POFUT3: variants seen among roughly 807,000 people sequenced by gnomAD.
POFUT3 encodes protein O-fucosyltransferase 3, also known as GDP-fucose protein O-fucosyltransferase 3.
chr8:33,392,714 T>C, the POFUT3 span, among the ~76,000 whole-genome samples: 5 of 152,186 alleles, frequency 3.3e-5, no homozygotes, highest in East Asian at 9.7e-4. Context: ...CCAGGCATGG[T>C]GGCTCACACC....
At chr8:33,471,948 T>C in the POFUT3 span, among the ~76,000 whole-genome samples, 4 of 152,180 alleles carry the variant, frequency 2.6e-5, no homozygotes, top group African/African-American at 9.7e-5. Flanking sequence ...ACTACGGTGC[T>C]GCTAGATTGG....
At chr8:33,376,136 GT>G in the POFUT3 span, among the ~76,000 whole-genome samples, 41 of 152,070 alleles carry the variant, frequency 2.7e-4, no homozygotes, top group African/African-American at 8.9e-4. Flanking sequence ...GGGAAAAGAA[GT>G]GGAAGACTGC....
At chr8:33,436,311 T>C in the POFUT3 span, 874,633 of 1,330,566 alleles carry the variant, frequency 0.66, 289,849 homozygotes, top group African/African-American at 0.86. Context: ...ATCAAGGCCC[T>C]TGATGGTCTC....
At chr8:33,429,626 C>T in the POFUT3 span, among the ~76,000 whole-genome samples, 3 of 151,468 alleles carry the variant, frequency 2.0e-5, no homozygotes, top group Middle Eastern at 3.4e-3. Flanking sequence ...CACAAAAAGC[C>T]GAGGAAGAAA....
the POFUT3 span, among the ~76,000 whole-genome samples, chr8:33,444,386 G>A: frequency 6.6e-6 from 1 of 152,106 alleles, no homozygotes; most frequent in Non-Finnish European, 1.5e-5. Context: ...GGAACAAGGA[G>A]GACGGTAAGG....
At chr8:33,356,814 T>G in the POFUT3 span, among the ~76,000 whole-genome samples, 3 of 152,178 alleles carry the variant, frequency 2.0e-5, no homozygotes, top group Admixed American at 6.5e-5. Context: ...GGTCTAACAT[T>G]TAAGTCTTTA....
the POFUT3 span, among the ~76,000 whole-genome samples, chr8:33,384,352 A>G: frequency 6.6e-6 from 1 of 152,204 alleles, no homozygotes; most frequent in South Asian, 2.1e-4. Flanking sequence ...ATAAGGCACA[A>G]TTCCTTGAGG....
chr8:33,400,238 G>A, the POFUT3 span, among the ~76,000 whole-genome samples: 46 of 151,380 alleles, frequency 3.0e-4, no homozygotes, highest in South Asian at 8.4e-4. Context: ...GATCACCTGA[G>A]GCCAGGAATT....
chr8:33,463,865 C>T, the POFUT3 span, among the ~76,000 whole-genome samples: 4 of 152,178 alleles, frequency 2.6e-5, no homozygotes, highest in Non-Finnish European at 4.4e-5. Flanking sequence ...CTTTTAAATC[C>T]AGGAATTTTT....
At chr8:33,409,576 TC>T in the POFUT3 span, among the ~76,000 whole-genome samples, 1 of 152,198 alleles carries the variant, frequency 6.6e-6, no homozygotes, top group African/African-American at 2.4e-5. Context: ...CAGCTAATGT[TC>T]CCCCATTTCG....
chr8:33,394,525 C>T, the POFUT3 span, among the ~76,000 whole-genome samples: 1 of 152,218 alleles, frequency 6.6e-6, no homozygotes, highest in Non-Finnish European at 1.5e-5. Flanking sequence ...GCCCCTTAAT[C>T]TTTCACATGC....
chr8:33,416,383 A>T, the POFUT3 span, among the ~76,000 whole-genome samples: 1 of 152,132 alleles, frequency 6.6e-6, no homozygotes, highest in African/African-American at 2.4e-5. Flanking sequence ...CAGGCAGATC[A>T]CTTGAGGCCA....
chr8:33,447,797 A>G, the POFUT3 span, among the ~76,000 whole-genome samples: 4 of 152,200 alleles, frequency 2.6e-5, no homozygotes, highest in African/African-American at 2.4e-5. Context: ...AGCTTTTGAT[A>G]CTTCCATCAT....
the POFUT3 span, among the ~76,000 whole-genome samples, chr8:33,367,157 C>A: frequency 6.6e-6 from 1 of 152,136 alleles, no homozygotes; most frequent in Non-Finnish European, 1.5e-5. Flanking sequence ...GCAAAACTGG[C>A]CATAAACAAA....
the POFUT3 span, chr8:33,372,383 A>G: frequency 7.4e-7 from 1 of 1,355,804 alleles, no homozygotes; most frequent in African/African-American, 1.5e-5. Context: ...CTTTTTTAGT[A>G]TAAAAAATAT....
chr8:33,410,524 A>T, the POFUT3 span, among the ~76,000 whole-genome samples: 1 of 152,100 alleles, frequency 6.6e-6, no homozygotes, highest in Non-Finnish European at 1.5e-5. Flanking sequence ...TAAACAGCCC[A>T]TACAGACGTT....
At chr8:33,390,186 T>C in the POFUT3 span, among the ~76,000 whole-genome samples, 1 of 150,162 alleles carries the variant, frequency 6.7e-6, no homozygotes, top group African/African-American at 2.5e-5. Flanking sequence ...TCTCAAAATA[T>C]ATGTGTGTGT....
At chr8:33,456,764 CT>C in the POFUT3 span, among the ~76,000 whole-genome samples, 2 of 128,960 alleles carry the variant, frequency 1.6e-5, no homozygotes, top group Admixed American at 1.7e-4. Context: ...CTTTTATTTT[CT>C]TTTTTCTTTT....
chr8:33,446,405 C>T, the POFUT3 span, among the ~76,000 whole-genome samples: 30 of 149,580 alleles, frequency 2.0e-4, no homozygotes, highest in African/African-American at 5.2e-4. Flanking sequence ...TGCAATGAGT[C>T]GATATCACAC....
Sources: allele counts gnomAD v4.1 joint callset (sites outside exome capture counted in the v4.1 genomes callset), GRCh38; gene constraint gnomAD v4.1.1; transcripts MANE v1.5; gene names NCBI Gene and HGNC (gene_info 2026-07-23, HGNC 2026-07-21).